Variants in RNF152 observed in about 807,000 individuals in gnomAD.
RNF152 encodes ring finger protein 152, also known as E3 ubiquitin-protein ligase RNF152.
A neutral mutation model predicts 12.7 loss-of-function variants in RNF152; 11 were observed. The ratio of observed to expected loss-of-function variants is 0.86; its 90% confidence interval spans 0.54 to 1.43. The LOEUF is 1.43. RNF152 is among the 40% of genes most tolerant of loss of function. The pLI, the probability that RNF152 is intolerant of heterozygous loss-of-function variation, is 0.00. For missense variants in RNF152, 255 were observed against 274.8 expected, an observed-to-expected ratio of 0.93 and a Z score of 0.51; for synonymous variants, 113 against 120.3, an observed-to-expected ratio of 0.94 and a Z score of 0.40.
chr18:61,861,974 C>A (rs1476198487), intron 1 of RNF152, among the ~76,000 whole-genome samples: 9 of 152,132 alleles, frequency 5.9e-5, no homozygotes, highest in Non-Finnish European at 1.2e-4. Flanking sequence ...CTCAGACACC[C>A]AAACTATACC....
At chr18:61,885,835 C>T (rs1406920260) in intron 1 of RNF152, among the ~76,000 whole-genome samples, 2 of 151,992 alleles carry the variant, frequency 1.3e-5, no homozygotes, top group East Asian at 1.9e-4. Context: ...GGGCAGTCAG[C>T]GGTGGGCAAC....
chr18:61,809,885 G>C lies in RNF152; in HGVS notation c.*5967C>G, dbSNP rs1291654244. ...AAAAAAAAAAAAAAAAAAGTCATTGGCTCGACTGAGCAAGAAAATTTGTGC... is the reference window on the plus strand; with the variant it reads ...AAAAAAAAAAAAAAAAAAGTCATTGCCTCGACTGAGCAAGAAAATTTGTGC... On this transcript the variant is annotated 3_prime_UTR_variant, in exon 2 of 2. Transcript: ENST00000312828. 3 of 147,638 alleles carry C rather than the reference G, an allele frequency of 2.0e-5. No homozygotes were observed. The allele number at this position is 147,638 out of a possible 1,614,324, so 9.1% of individuals were successfully genotyped here.
intron 1 of RNF152, among the ~76,000 whole-genome samples, chr18:61,887,701 CAAAAA>C (rs34170984): frequency 9.4e-6 from 1 of 105,954 alleles, no homozygotes. Context: ...GACTCCATCT[CAAAAA>C]AAAAAAAAAA....
intron 1 of RNF152, among the ~76,000 whole-genome samples, chr18:61,840,577 T>C (rs1348748407): frequency 2.0e-5 from 3 of 152,080 alleles, no homozygotes; most frequent in Non-Finnish European, 2.9e-5. Flanking sequence ...TGTGGCTTCA[T>C]AGATGGATTT....
chr18:61,860,217 C>A (rs984290978), intron 1 of RNF152, among the ~76,000 whole-genome samples: 2 of 152,086 alleles, frequency 1.3e-5, no homozygotes, highest in African/African-American at 4.8e-5. Flanking sequence ...TTCCAGCCTC[C>A]AAAAATGTGA....
intron 1 of RNF152, among the ~76,000 whole-genome samples, chr18:61,850,031 C>A (rs1006829669): frequency 9.9e-5 from 15 of 152,202 alleles, no homozygotes; most frequent in Admixed American, 9.2e-4. Context: ...GGTGAATTAG[C>A]CAATATTTTC....
chr18:61,888,470 G>A (rs773024315), intron 1 of RNF152: 1 of 152,120 alleles, frequency 6.6e-6, no homozygotes, highest in Non-Finnish European at 1.5e-5. Context: ...CGACCAATCT[G>A]TTTTTCACTT....
At chr18:61,890,477 T>C (rs1290536569) in intron 1 of RNF152, 2 of 152,216 alleles carry the variant, frequency 1.3e-5, no homozygotes, top group Non-Finnish European at 2.9e-5. Context: ...GTTTGAGTCC[T>C]TGAGTGACTA....
chr18:61,878,428 C>G (rs1190724062), intron 1 of RNF152, among the ~76,000 whole-genome samples: 4 of 152,190 alleles, frequency 2.6e-5, no homozygotes, highest in African/African-American at 9.7e-5. Flanking sequence ...GGTCTAACAT[C>G]ATTGTCCACT....
chr18:61,869,076 C>T (rs548985569), intron 1 of RNF152, among the ~76,000 whole-genome samples: 40 of 152,310 alleles, frequency 2.6e-4, no homozygotes, highest in Middle Eastern at 3.4e-3. Context: ...ATTCTAACAT[C>T]TCAGAGGTAA....
intron 1 of RNF152, among the ~76,000 whole-genome samples, chr18:61,823,414 G>A (rs1374901877): frequency 1.3e-5 from 2 of 152,200 alleles, no homozygotes; most frequent in Admixed American, 6.5e-5. Flanking sequence ...TCCTGCCTCA[G>A]CCTCCTGAGT....
chr18:61,882,465 G>A (rs1238145905), intron 1 of RNF152, among the ~76,000 whole-genome samples: 2 of 152,230 alleles, frequency 1.3e-5, no homozygotes, highest in Non-Finnish European at 2.9e-5. Flanking sequence ...AAAGAGGCAC[G>A]CAAGTGTCTG....
chr18:61,840,816 T>C (rs1390382302), intron 1 of RNF152, among the ~76,000 whole-genome samples: 1 of 152,240 alleles, frequency 6.6e-6, no homozygotes, highest in Non-Finnish European at 1.5e-5. Context: ...CATGTACCTT[T>C]CTAGGTTTGT....
chr18:61,812,279 G>T lies in RNF152; in HGVS notation c.*3573C>A, dbSNP rs1908840618. 6.6e-6 allele frequency: 1 copy of T among 152,148 alleles called. No homozygotes were observed. 9.4% of individuals were successfully genotyped at this position (152,148 alleles called of 1,614,324 possible). On this transcript the variant is annotated 3_prime_UTR_variant, in exon 2 of 2. Coordinates refer to ENST00000312828, the MANE Select transcript of RNF152 (RefSeq NM_173557.3). ...CTGCCTAAAAGTCAATGTGCCTGGT[G>T]GCTACCGTACCAGACGGCACAGGTT...
chr18:61,867,094 GA>G (rs1407141126), intron 1 of RNF152, among the ~76,000 whole-genome samples: 1 of 152,140 alleles, frequency 6.6e-6, no homozygotes, highest in Non-Finnish European at 1.5e-5. Flanking sequence ...GAAGTAGGAA[GA>G]AAGCCTGTGG....
chr18:61,891,894 C>G (rs1353987831), intron 1 of RNF152, among the ~76,000 whole-genome samples: 1 of 152,210 alleles, frequency 6.6e-6, no homozygotes, highest in Non-Finnish European at 1.5e-5. Context: ...AGCAATCTGT[C>G]TTCCTACAAG....
intron 1 of RNF152, among the ~76,000 whole-genome samples, chr18:61,819,988 T>C (rs1909302161): frequency 7.8e-6 from 1 of 128,100 alleles, no homozygotes; most frequent in African/African-American, 3.1e-5. Context: ...ACCACTGCAC[T>C]CCAGCCTGAA....
At chr18:61,832,307 GT>G (rs1200496252) in intron 1 of RNF152, among the ~76,000 whole-genome samples, 11 of 152,010 alleles carry the variant, frequency 7.2e-5, no homozygotes, top group Non-Finnish European at 1.5e-4. Flanking sequence ...TTTTGTTTTT[GT>G]TTTAAGCGCA....
intron 1 of RNF152, among the ~76,000 whole-genome samples, chr18:61,856,615 A>G (rs1257210286): frequency 1.3e-5 from 2 of 151,854 alleles, no homozygotes; most frequent in Admixed American, 1.3e-4. Context: ...TAGATTTGAT[A>G]CCCCTTCTTT....
Sources: gnomAD v4.1 joint callset for allele counts (sites outside exome capture counted in the v4.1 genomes callset) on GRCh38, gnomAD v4.1.1 for gene constraint, MANE v1.5 for transcripts, NCBI Gene and HGNC (gene_info 2026-07-23, HGNC 2026-07-21) for gene names.